The following MTHFSD variants were observed in gnomAD, a reference collection of about 807,000 sequenced individuals.
The protein encoded by MTHFSD is methenyltetrahydrofolate synthetase domain containing.
In MTHFSD, 37 loss-of-function variants were observed where a neutral mutation model predicts 31.1. The ratio of observed to expected loss-of-function variants is 1.19; its 90% CI spans 0.91 to 1.56. The LOEUF (loss-of-function observed/expected upper bound fraction) is 1.56. Ranked by LOEUF, MTHFSD falls within the 40% of genes most tolerant of loss-of-function variation. The pLI, the probability that MTHFSD is intolerant of heterozygous loss-of-function variation, is 0.00. For missense variants in MTHFSD, 664 were observed against 510.1 expected, an observed-to-expected ratio of 1.30 and a Z score of -2.91; for synonymous variants, 221 against 206.9, an observed-to-expected ratio of 1.07 and a Z score of -0.59.
chr16:86,535,246 A>G, intron 7 of MTHFSD: 1 of 985,458 alleles, frequency 1.0e-6, no homozygotes, highest in Non-Finnish European at 1.2e-6. Flanking sequence ...GTTCCACTGC[A>G]GGAAAATCGC....
At chr16:86,552,418 G>T in intron 2 of MTHFSD, 6 of 766,724 alleles carry the variant, frequency 7.8e-6, no homozygotes, top group Non-Finnish European at 1.2e-5. Context: ...AACATCTAAG[G>T]AAGCAGTCTA....
intron 5 of MTHFSD, among the ~76,000 whole-genome samples, chr16:86,544,597 C>T (rs140467062): frequency 3.3e-5 from 5 of 152,330 alleles, no homozygotes; most frequent in Admixed American, 1.3e-4. Flanking sequence ...AACACTTTTA[C>T]ACTGTTGGTG....
intron 7 of MTHFSD, chr16:86,541,109 G>T: frequency 1.0e-5 from 13 of 1,278,454 alleles, no homozygotes; most frequent in Non-Finnish European, 1.3e-5. Flanking sequence ...CTGGCTGTTT[G>T]CCAGCAGAGA....
At chr16:86,535,652 A>C (rs16941455) in intron 7 of MTHFSD, 46,588 of 323,300 alleles carry the variant, frequency 0.14, 4,477 homozygotes, top group African/African-American at 0.33. Context: ...AGACATGCTA[A>C]GTCAAATACG....
At chr16:86,537,733 AT>A (rs1390825138) in intron 7 of MTHFSD, among the ~76,000 whole-genome samples, 12 of 152,216 alleles carry the variant, frequency 7.9e-5, no homozygotes, top group Admixed American at 7.8e-4. Context: ...GTATCTGTAG[AT>A]CATGCAGCAT....
Position 86,531,718 on chromosome 16 carries a change from C to T in MTHFSD, c.*293G>A, listed in dbSNP as rs1567521830. On this transcript the variant is annotated 3_prime_UTR_variant, in exon 8 of 8. Transcript: ENST00000360900. The surrounding 1 kb of genome is among the most constrained non-coding windows in gnomAD (Gnocchi z 5.5). ...GCTTAGCCACTCACTCAGTCCCTGG[C>T]CCCTCTGCTCTGTCCCTCCAGAGAA... 1 of 275,942 alleles carries T rather than the reference C, an allele frequency of 3.6e-6. No homozygotes were observed. Among genetic ancestry groups the T allele is most frequent in the East Asian group, 6.0e-5 (1 of 16,768 alleles). The allele number at this position is 275,942 out of a possible 1,614,324, so 17.1% of individuals were successfully genotyped here.
At position 86,554,625 on chromosome 16, in the gene MTHFSD, C is replaced by T. The variant is rs775758935; in HGVS notation, c.123+20G>A. 6 of 1,567,892 alleles carry T rather than the reference C, an allele frequency of 3.8e-6. No homozygotes were observed. Among genetic ancestry groups the T allele is most frequent in the East Asian group, 2.2e-5 (1 of 44,624 alleles). ...GAATATTTTGTTTTCCTTTTCTGGA[C>T]TCCAGAAATATGTCAGTACCTTAAA... On this transcript the variant is annotated intron_variant, in intron 2 of 7. Transcript: ENST00000360900.
intron 2 of MTHFSD, 152 bp from the exon 3 acceptor site, chr16:86,552,298 T>A (rs1429225075): frequency 1.3e-6 from 2 of 1,559,784 alleles, no homozygotes; most frequent in African/African-American, 1.4e-5. Flanking sequence ...GCGCCCTGTT[T>A]CCAATGCAAT....
intron 3 of MTHFSD, among the ~76,000 whole-genome samples, chr16:86,550,061 T>C (rs1972919067): frequency 6.6e-6 from 1 of 152,232 alleles, no homozygotes. Flanking sequence ...CACTGCGGAC[T>C]GTCCAGTCAG....
chr16:86,533,134 T>G (rs1970208235), intron 7 of MTHFSD: 1 of 152,286 alleles, frequency 6.6e-6, no homozygotes, highest in Admixed American at 6.5e-5. Flanking sequence ...TATGCGAAAC[T>G]TAAGTCTCAA....
Position 86,552,140 on chromosome 16 carries a change from A to G in MTHFSD, c.130T>C (p.Tyr44His), listed in dbSNP as rs199622616. The change falls in exon 3 of 8, where the codon TAT becomes CAT. Residue 44 changes from tyrosine (Y) to histidine (H), a missense_variant. Tyr to His is a moderately conservative substitution (Grantham distance 83). Coordinates refer to ENST00000360900, the MANE Select transcript of MTHFSD (RefSeq NM_001159377.2). ...HHRIPNFKGS[Y>H]LACQNIKDLD... ...TCTTTGATGTTTTGGCAAGCCAGAT[A>G]AGACCCCTAGTTAGGCAAATAGACA... 1.7e-5 allele frequency: 28 copies of G among 1,614,110 alleles called. No homozygotes were observed. The highest frequency in any genetic ancestry group is 2.7e-5 in the African/African-American group (2 of 74,940).
At position 86,555,176 on chromosome 16, in the gene MTHFSD, C is replaced by G; in HGVS notation, c.9G>C (p.Pro3=). ME[P]RAVGVSKQDI... ...CCCCGCCAGGCCCCCCACCTGCCCTCGGCTCCATGGTGATGCAGTCGCTGT... is the reference window on the plus strand; with the variant it reads ...CCCCGCCAGGCCCCCCACCTGCCCTGGGCTCCATGGTGATGCAGTCGCTGT... The change falls in exon 1 of 8, where the codon CCG becomes CCC. Residue 3 remains proline (P), a synonymous_variant. Transcript: ENST00000360900. The G allele has an allele frequency of 6.5e-7, 1 of 1,537,022 alleles. No homozygotes were observed.
chr16:86,534,081 T>A (rs1970343776), intron 7 of MTHFSD, among the ~76,000 whole-genome samples: 2 of 152,252 alleles, frequency 1.3e-5, no homozygotes, highest in African/African-American at 2.4e-5. Flanking sequence ...TTGGCTGTCA[T>A]AGAAAGACTC....
intron 7 of MTHFSD, among the ~76,000 whole-genome samples, chr16:86,539,248 C>T (rs753104976): frequency 1.2e-4 from 19 of 152,288 alleles, no homozygotes; most frequent in Middle Eastern, 3.4e-3. Flanking sequence ...TCTCCTTGTC[C>T]TCCACTGAGA....
chr16:86,551,706 A>G (rs964637256), intron 3 of MTHFSD, among the ~76,000 whole-genome samples: 1 of 152,180 alleles, frequency 6.6e-6, no homozygotes. Flanking sequence ...CATCTATTTC[A>G]GCTCCAGCTC....
chr16:86,534,190 A>T (rs949408009), intron 7 of MTHFSD, among the ~76,000 whole-genome samples: 1 of 152,272 alleles, frequency 6.6e-6, no homozygotes, highest in Non-Finnish European at 1.5e-5. Flanking sequence ...GCTCTTTTCT[A>T]ATCACAAGGC....
chr16:86,532,809 C>G (rs542566579), intron 7 of MTHFSD: 4 of 206,378 alleles, frequency 1.9e-5, no homozygotes, highest in African/African-American at 6.8e-5. Flanking sequence ...AGCTGGGGCT[C>G]TCTGCTCAGG....
rs111414029 is a variant in MTHFSD at position 86,545,170 on chromosome 16, T to C, written c.442+1389A>G. 4.0e-3 allele frequency among the ~76,000 whole-genome samples: 608 copies of C among 152,174 alleles called. 1 individual carries two copies. The highest frequency in any genetic ancestry group is 0.014 in the African/African-American group (577 of 41,512). ...AATCACCATGGAACACGTTTACCTA[T>C]GTAACAAACCTGCACATCCTACACA... On this transcript the variant is annotated intron_variant, in intron 5 of 7. Coordinates refer to ENST00000360900, the MANE Select transcript of MTHFSD (RefSeq NM_001159377.2).
chr16:86,545,374 CAG>C (rs1972141312), intron 5 of MTHFSD, among the ~76,000 whole-genome samples: 1 of 152,172 alleles, frequency 6.6e-6, no homozygotes, highest in African/African-American at 2.4e-5. Flanking sequence ...CTACTTTACA[CAG>C]GGGGTTAGCT....
Sources: gnomAD v4.1 joint callset for allele counts (sites outside exome capture counted in the v4.1 genomes callset) on GRCh38, gnomAD v4.1.1 for gene constraint, Gnocchi (gnomAD v3.1) non-coding constraint, MANE v1.5 for transcripts, NCBI Gene and HGNC (gene_info 2026-07-23, HGNC 2026-07-21) for gene names.